ARK2N: variants seen among roughly 807,000 people sequenced by gnomAD.
ARK2N encodes the protein arkadia (RNF111) N-terminal like PKA signaling regulator 2N.
At chr18:46,251,535 A>C in the ARK2N span, among the ~76,000 whole-genome samples, 2 of 152,208 alleles carry the variant, frequency 1.3e-5, no homozygotes, top group Non-Finnish European at 2.9e-5. Context: ...CTAAGCATTA[A>C]AAATTTTTCA....
At chr18:46,190,556 C>T in the ARK2N span, among the ~76,000 whole-genome samples, 1 of 151,386 alleles carries the variant, frequency 6.6e-6, no homozygotes, top group African/African-American at 2.4e-5. Flanking sequence ...GTAAAACATT[C>T]ATCATTTTAA....
At chr18:46,243,602 A>G in the ARK2N span, among the ~76,000 whole-genome samples, 1 of 152,238 alleles carries the variant, frequency 6.6e-6, no homozygotes, top group East Asian at 1.9e-4. Context: ...AGTCGAAATT[A>G]GAGAAGCTAC....
the ARK2N span, among the ~76,000 whole-genome samples, chr18:46,182,829 C>A: frequency 4.0e-5 from 6 of 151,762 alleles, no homozygotes; most frequent in Admixed American, 1.3e-4. Flanking sequence ...CCATTATCAC[C>A]TTTGACCTAT....
At chr18:46,237,388 C>CT in the ARK2N span, among the ~76,000 whole-genome samples, 938 of 127,948 alleles carry the variant, frequency 7.3e-3, 13 homozygotes, top group African/African-American at 0.023. Context: ...AGGCCAAGTG[C>CT]TTTTTTTTTT....
chr18:46,221,101 A>G, the ARK2N span, among the ~76,000 whole-genome samples: 1 of 152,148 alleles, frequency 6.6e-6, no homozygotes, highest in African/African-American at 2.4e-5. Flanking sequence ...GAGCCTCTGC[A>G]CTCCAGCCTG....
chr18:46,208,406 C>G, the ARK2N span, among the ~76,000 whole-genome samples: 1 of 148,144 alleles, frequency 6.8e-6, no homozygotes, highest in African/African-American at 2.5e-5. Flanking sequence ...TTGTGTATTA[C>G]AGATAGAGAT....
chr18:46,179,783 G>A, the ARK2N span, among the ~76,000 whole-genome samples: 1 of 151,838 alleles, frequency 6.6e-6, no homozygotes, highest in Non-Finnish European at 1.5e-5. Flanking sequence ...GTGCTGCCAC[G>A]CCTGCCTAAT....
chr18:46,180,366 C>G, the ARK2N span, among the ~76,000 whole-genome samples: 1 of 152,196 alleles, frequency 6.6e-6, no homozygotes, highest in Non-Finnish European at 1.5e-5. Flanking sequence ...AAATTAAAAA[C>G]CCATTTACTG....
the ARK2N span, chr18:46,216,262 C>G: frequency 1.9e-6 from 3 of 1,613,504 alleles, no homozygotes; most frequent in East Asian, 2.2e-5. This position sits in a 1 kb window ranked among gnomAD's most constrained non-coding sequence, Gnocchi z 4.3. Context: ...AGAAGGAGAC[C>G]CTTCAGGAGT....
At chr18:46,239,941 T>C in the ARK2N span, 1 of 1,475,488 alleles carries the variant, frequency 6.8e-7, no homozygotes, top group Non-Finnish European at 9.4e-7. Flanking sequence ...GGGCTCTTAC[T>C]AGTTTCAGAA....
chr18:46,205,143 G>C, the ARK2N span, among the ~76,000 whole-genome samples: 1 of 152,046 alleles, frequency 6.6e-6, no homozygotes, highest in East Asian at 1.9e-4. Flanking sequence ...CCTGAGCTCA[G>C]GCAATCTGCC....
chr18:46,210,934 C>T, the ARK2N span, among the ~76,000 whole-genome samples: 10 of 149,814 alleles, frequency 6.7e-5, no homozygotes, highest in African/African-American at 2.5e-4. Flanking sequence ...AAAGAACTCA[C>T]GTTGGTGGAT....
the ARK2N span, among the ~76,000 whole-genome samples, chr18:46,197,605 ATG>A: frequency 6.6e-6 from 1 of 152,198 alleles, no homozygotes; most frequent in Admixed American, 6.5e-5. Flanking sequence ...GGTTCCTTGA[ATG>A]TAGTTCCTTG....
chr18:46,247,984 T>G, the ARK2N span, among the ~76,000 whole-genome samples: 1 of 152,198 alleles, frequency 6.6e-6, no homozygotes, highest in Non-Finnish European at 1.5e-5. Context: ...AGCTTCTTGC[T>G]TCTTAGTGAG....
the ARK2N span, among the ~76,000 whole-genome samples, chr18:46,184,787 T>C: frequency 1.8e-3 from 276 of 152,332 alleles, 1 homozygote; most frequent in Middle Eastern, 3.4e-3. Flanking sequence ...ATGGAGTCTC[T>C]TCATAGAATT....
chr18:46,262,466 C>T, the ARK2N span, among the ~76,000 whole-genome samples: 1 of 152,214 alleles, frequency 6.6e-6, no homozygotes, highest in African/African-American at 2.4e-5. Context: ...AAGGGTATTA[C>T]TGTCACTGTC....
chr18:46,198,845 C>T, the ARK2N span, among the ~76,000 whole-genome samples: 1 of 152,172 alleles, frequency 6.6e-6, no homozygotes, highest in African/African-American at 2.4e-5. Flanking sequence ...GATCCACCTG[C>T]CTCGGCCTCC....
the ARK2N span, among the ~76,000 whole-genome samples, chr18:46,229,694 G>A: frequency 1.9e-4 from 29 of 152,016 alleles, no homozygotes; most frequent in Middle Eastern, 3.4e-3. Flanking sequence ...ACAGCTCACT[G>A]CACCCTCAAC....
chr18:46,265,979 C>T, the ARK2N span: 1 of 152,364 alleles, frequency 6.6e-6, no homozygotes, highest in African/African-American at 2.4e-5. Context: ...GCTGTTGCAT[C>T]ATCATGACTG....
Sources: gnomAD v4.1 joint callset for allele counts (sites outside exome capture counted in the v4.1 genomes callset) on GRCh38, gnomAD v4.1.1 for gene constraint, Gnocchi (gnomAD v3.1) non-coding constraint, MANE v1.5 for transcripts, NCBI Gene and HGNC (gene_info 2026-07-23, HGNC 2026-07-21) for gene names.